Variants in CHRM3 observed in about 807,000 individuals in gnomAD.
The protein encoded by CHRM3 is cholinergic receptor muscarinic 3.
CHRM3 carries 11 observed loss-of-function variants against 41.8 expected under a neutral mutation model. The observed-to-expected ratio is 0.26, with a 90% CI of 0.17 to 0.44. CHRM3 has a LOEUF of 0.44. Among genes scored for constraint, CHRM3 ranks in the 20% least tolerant of loss-of-function variants. The pLI, the probability that CHRM3 is intolerant of heterozygous loss-of-function variation, is 1.00. For missense variants in CHRM3, 571 were observed against 745.4 expected (o/e 0.77, Z 2.72); for synonymous variants, 297 against 301.4 (o/e 0.99, Z 0.15).
chr1:239,758,322 C>G (rs899985246), intron 5 of CHRM3, among the ~76,000 whole-genome samples: 7 of 152,156 alleles, frequency 4.6e-5, no homozygotes, highest in Non-Finnish European at 2.9e-5. Context: ...GTATTTCCCA[C>G]AGCATCTTAC....
intron 5 of CHRM3, among the ~76,000 whole-genome samples, chr1:239,810,303 G>C (rs983017151): frequency 6.6e-6 from 1 of 152,274 alleles, no homozygotes; most frequent in East Asian, 1.9e-4. Flanking sequence ...GGCATGCTTT[G>C]TCTTCCCATT....
intron 5 of CHRM3, among the ~76,000 whole-genome samples, chr1:239,762,185 T>C (rs989869217): frequency 7.2e-5 from 11 of 152,216 alleles, no homozygotes; most frequent in Non-Finnish European, 1.5e-4. Context: ...AGCTTACCCT[T>C]TTCATCTCCT....
At chr1:239,579,056 A>T (rs536220100) in intron 3 of CHRM3, among the ~76,000 whole-genome samples, 30 of 152,210 alleles carry the variant, frequency 2.0e-4, no homozygotes, top group Non-Finnish European at 3.8e-4. Context: ...CTTATCTCAA[A>T]TAAAGGAATT....
At chr1:239,634,735 G>A (rs547815767) in intron 4 of CHRM3, among the ~76,000 whole-genome samples, 4 of 152,080 alleles carry the variant, frequency 2.6e-5, no homozygotes, top group African/African-American at 9.7e-5. Context: ...ATTTCTTTCC[G>A]AAGAAAGTTA....
chr1:239,867,949 AC>A (rs1347353941), intron 6 of CHRM3, among the ~76,000 whole-genome samples: 1 of 152,114 alleles, frequency 6.6e-6, no homozygotes, highest in African/African-American at 2.4e-5. Flanking sequence ...TGTTTCACAT[AC>A]GCTTCGGAGG....
chr1:239,426,095 C>T (rs575936210), intron 1 of CHRM3, among the ~76,000 whole-genome samples: 7 of 141,808 alleles, frequency 4.9e-5, no homozygotes, highest in Non-Finnish European at 9.1e-5. Context: ...CCCATTAACT[C>T]GTCATTTAAC....
At chr1:239,623,484 T>C (rs1558389300) in intron 3 of CHRM3, among the ~76,000 whole-genome samples, 2 of 26,906 alleles carry the variant, frequency 7.4e-5, no homozygotes, top group Non-Finnish European at 3.1e-4. Flanking sequence ...GGTGTATAAG[T>C]TTTTTTTTTT....
intron 4 of CHRM3, among the ~76,000 whole-genome samples, chr1:239,665,423 A>G (rs1325911705): frequency 6.6e-6 from 1 of 152,010 alleles, no homozygotes; most frequent in Non-Finnish European, 1.5e-5. Flanking sequence ...TTATCAGTGA[A>G]CCCTTCTCCT....
intron 3 of CHRM3, among the ~76,000 whole-genome samples, chr1:239,573,323 G>A (rs905945406): frequency 6.6e-6 from 1 of 152,128 alleles, no homozygotes; most frequent in African/African-American, 2.4e-5. Flanking sequence ...TGAGGATGCT[G>A]AGTAATATCA....
At chr1:239,576,276 C>A (rs565930365) in intron 3 of CHRM3, among the ~76,000 whole-genome samples, 1 of 152,066 alleles carries the variant, frequency 6.6e-6, no homozygotes, top group Non-Finnish European at 1.5e-5. Flanking sequence ...CCTACCCACC[C>A]CCATCCCCAG....
At position 239,816,595 on chromosome 1, in the gene CHRM3, C is replaced by T. The variant is rs563766673; in HGVS notation, c.-146-10657C>T. Among the ~76,000 whole-genome samples, 7 of 152,190 alleles carry T rather than the reference C, an allele frequency of 4.6e-5. 1 individual carries two copies. The highest frequency in any genetic ancestry group is 1.7e-4 in the African/African-American group (7 of 41,530). The stretch of plus-strand genomic sequence containing the variant: ...TTCTCCTGGTCCAGGAAGTACCAAG[C>T]AAGGTGGATTTCTTCAGGAAGCCAC... On this transcript the variant is annotated intron_variant, in intron 5 of 6. Coordinates refer to ENST00000676153, the MANE Select transcript of CHRM3 (RefSeq NM_001375978.1).
intron 5 of CHRM3, among the ~76,000 whole-genome samples, chr1:239,717,467 GCACA>G (rs3063637): frequency 6.6e-5 from 10 of 150,440 alleles, no homozygotes; most frequent in African/African-American, 2.4e-4. Context: ...AGACACACAC[GCACA>G]CACACACACA....
intron 3 of CHRM3, among the ~76,000 whole-genome samples, chr1:239,599,904 A>G (rs1406478850): frequency 6.6e-6 from 1 of 152,160 alleles, no homozygotes; most frequent in Non-Finnish European, 1.5e-5. Context: ...TCCTAGTCAA[A>G]AAAATTGTGT....
intron 6 of CHRM3, among the ~76,000 whole-genome samples, chr1:239,884,785 C>G (rs1010502466): frequency 2.0e-5 from 3 of 152,190 alleles, no homozygotes; most frequent in Non-Finnish European, 2.9e-5. Context: ...TTAAATATTA[C>G]TCTTCATTTA....
At chr1:239,432,542 G>A (rs1662912071) in intron 1 of CHRM3, among the ~76,000 whole-genome samples, 1 of 151,846 alleles carries the variant, frequency 6.6e-6, no homozygotes, top group Non-Finnish European at 1.5e-5. Context: ...TTGCTAATTT[G>A]GGCTTACACT....
rs759011572 is a variant in CHRM3 at position 239,909,208 on chromosome 1, C to T, written c.1757C>T (p.Pro586Leu). ...TCGGTCATTTTTCACAAGCGCGCAC[C>T]CGAGCAGGCCTTGTAGAATGAGGTT... ...RQSVIFHKRA[P>L]EQAL Residue 586 changes from proline (P) to leucine (L), a missense_variant, in exon 7 of 7, where the codon CCC becomes CTC. Physicochemically the swap from Pro to Leu is moderately conservative, Grantham distance 98. Transcript: ENST00000676153. 4 of 1,607,518 alleles carry T rather than the reference C, an allele frequency of 2.5e-6. No individual in the cohort carries two copies. The highest frequency in any genetic ancestry group is 1.1e-5 in the South Asian group (1 of 89,602).
intron 6 of CHRM3, among the ~76,000 whole-genome samples, chr1:239,828,409 T>C (rs1433675988): frequency 1.3e-5 from 2 of 152,102 alleles, no homozygotes; most frequent in African/African-American, 2.4e-5. Context: ...TACACACACT[T>C]ATACACACAC....
intron 5 of CHRM3, among the ~76,000 whole-genome samples, chr1:239,692,123 C>G (rs1659777894): frequency 6.6e-6 from 1 of 152,150 alleles, no homozygotes; most frequent in Non-Finnish European, 1.5e-5. Flanking sequence ...GTAATATCTT[C>G]CAGATAAATA....
chr1:239,512,175 G>T (rs58836016), intron 2 of CHRM3, among the ~76,000 whole-genome samples: 2,171 of 152,180 alleles, frequency 0.014, 45 homozygotes, highest in Middle Eastern at 0.044. Context: ...GCATGTTTTT[G>T]GTGAAAACCA....
Sources: allele counts gnomAD v4.1 joint callset (sites outside exome capture counted in the v4.1 genomes callset), GRCh38; gene constraint gnomAD v4.1.1; transcripts MANE v1.5; gene names NCBI Gene and HGNC (gene_info 2026-07-23, HGNC 2026-07-21).